Variants in SIX1 observed in about 807,000 individuals in gnomAD.
The protein encoded by SIX1 is homeobox protein SIX1.
Under a neutral mutation model 26.5 loss-of-function variants are expected in SIX1, and 11 were observed. The observed-to-expected ratio is 0.41, with a 90% CI of 0.26 to 0.69. SIX1 has a LOEUF of 0.69. Among genes scored for constraint, SIX1 ranks in the 30% least tolerant of loss-of-function variants. The pLI is 0.28. For synonymous variants in SIX1, 177 were observed against 166.2 expected (o/e 1.06, Z -0.50); for missense variants, 333 against 365.9 (o/e 0.91, Z 0.73).
Position 60,648,694 on chromosome 14 carries a change from T to A in SIX1, c.496A>T (p.Thr166Ser). The A allele has an allele frequency of 2.5e-6, 4 of 1,613,902 alleles. No homozygotes were observed. The highest frequency in any genetic ancestry group is 3.4e-6 in the Non-Finnish European group (4 of 1,179,904). Residue 166 changes from threonine to serine, a missense_variant, in exon 1 of 2, where the codon ACC becomes TCC. Transcript: ENST00000645694. This position sits in a 1 kb window ranked among gnomAD's most constrained non-coding sequence, Gnocchi z 7.9. ...TTCTTAAACCAGTTGCTGACCTGGG[T>A]GGTGGTGAGGCCGGTGGCCTCGGCC... Reference protein sequence around the residue: ...ELAEATGLTTTQVSNWFKNRR... With the variant: ...ELAEATGLTTSQVSNWFKNRR...
Position 60,646,203 on chromosome 14 carries a change from G to C in SIX1, c.*80C>G. 1 of 1,373,314 alleles carries C rather than the reference G, an allele frequency of 7.3e-7. No individual in the cohort carries two copies. The highest frequency in any genetic ancestry group is 1.0e-6 in the Non-Finnish European group (1 of 999,076). The allele number at this position is 1,373,314 out of a possible 1,614,324, so 85.1% of individuals were successfully genotyped here. On this transcript the variant is annotated 3_prime_UTR_variant, in exon 2 of 2. Coordinates refer to ENST00000645694, the MANE Select transcript of SIX1 (RefSeq NM_005982.4). ...AGAAACAAGCTGCAAAAATGTTCCT[G>C]ATTTCTATTTACAAGTGTCCCTAGT...
rs1028056922 is a variant in SIX1, at chr14:60,644,977, T to A, written c.*1306A>T. ...AATTATTTTTACTTTCACAGTCTTG[T>A]CATAAACTTGTTAACACAAAAGAGC... is the stretch of plus-strand genomic sequence containing the variant. On this transcript the variant is annotated 3_prime_UTR_variant, in exon 2 of 2. Transcript: ENST00000645694. The A allele has an allele frequency of 6.6e-6, 1 of 152,246 alleles. No individual in the cohort carries two copies. Among genetic ancestry groups the A allele is most frequent in the Non-Finnish European group, 1.5e-5 (1 of 68,044 alleles). The allele number at this position is 152,246 out of a possible 1,614,324, so 9.4% of individuals were successfully genotyped here. A position where few individuals can be genotyped will look rare whatever the true frequency, so the allele number is the denominator to read the frequency against.
chr14:60,649,388 A>T lies in SIX1; in HGVS notation c.-199T>A, dbSNP rs1015170875. 1.7e-6 allele frequency: 1 copy of T among 584,686 alleles called. No individual in the cohort carries two copies. The highest frequency in any genetic ancestry group is 3.0e-6 in the Non-Finnish European group (1 of 329,354). The allele number at this position is 584,686 out of a possible 1,614,324, so 36.2% of individuals were successfully genotyped here. On this transcript the variant is annotated 5_prime_UTR_variant, in exon 1 of 2. Transcript: ENST00000645694. This position sits in a 1 kb window ranked among gnomAD's most constrained non-coding sequence, Gnocchi z 5.1. ...GGCGGAGGAGTAGGGGAGGTTCTGG[A>T]CACGGAACGGCCGGCGCACTCAGTA...
At chr14:60,646,754 G>T (rs1417541307) in intron 1 of SIX1, among the ~76,000 whole-genome samples, 177 bp from the exon 2 acceptor site, 1 of 152,094 alleles carries the variant, frequency 6.6e-6, no homozygotes, top group Non-Finnish European at 1.5e-5. Context: ...AAGGGTAATG[G>T]GGGAGGTGAG....
chr14:60,644,309 C>T lies in SIX1; in HGVS notation c.*1974G>A, dbSNP rs1373949449. The stretch of plus-strand genomic sequence containing the variant: ...ACACCCTAGTGACTTAAATAAACAC[C>T]GACTTAATGATCCAAAACACTAACA... On this transcript the variant is annotated 3_prime_UTR_variant, in exon 2 of 2. Transcript: ENST00000645694. 1 of 152,064 alleles carries T rather than the reference C, an allele frequency of 6.6e-6. No individual in the cohort carries two copies. Among genetic ancestry groups the T allele is most frequent in the South Asian group, 2.1e-4 (1 of 4,826 alleles). 9.4% of individuals were successfully genotyped at this position (152,064 alleles called of 1,614,324 possible). A position where few individuals can be genotyped will look rare whatever the true frequency, so the allele number is the denominator to read the frequency against.
chr14:60,646,535 G>A lies in SIX1; in HGVS notation c.603C>T (p.Asn201=), dbSNP rs756406449. 1 of 1,611,764 alleles carries A rather than the reference G, an allele frequency of 6.2e-7. No individual in the cohort carries two copies. Among genetic ancestry groups the A allele is most frequent in the Non-Finnish European group, 8.5e-7 (1 of 1,179,694 alleles). The change falls in exon 2 of 2, where the codon AAC becomes AAT. Residue 201 remains asparagine (N), a synonymous_variant. Transcript: ENST00000645694. ...TGCCCCCTTCCAGAGGAGAGAGTTG[G>A]TTCTGCTTGTTGGAGGAGGAGTTAT... ...ENNNSSSNKQ[N]QLSPLEGGKP...
At position 60,645,109 on chromosome 14, in the gene SIX1, ATAAT is replaced by A. The variant is rs1894916604; in HGVS notation, c.*1170_*1173del. The A allele has an allele frequency of 6.6e-6, 1 of 152,188 alleles. No homozygotes were observed. The highest frequency in any genetic ancestry group is 2.4e-5 in the African/African-American group (1 of 41,450). 9.4% of individuals were successfully genotyped at this position (152,188 alleles called of 1,614,324 possible). ...AGGCTAAATTCACTCTTTCTGTCAT[ATAAT>A]TAATCTAGTTACTACTCTTGGTTCA... On this transcript the variant is annotated 3_prime_UTR_variant, in exon 2 of 2. Transcript: ENST00000645694. This position sits in a 1 kb window ranked among gnomAD's most constrained non-coding sequence, Gnocchi z 4.6.
chr14:60,649,452 G>T lies in SIX1; in HGVS notation c.-263C>A. The T allele has an allele frequency of 2.4e-6, 1 of 423,330 alleles. No individual in the cohort carries two copies. Among genetic ancestry groups the T allele is most frequent in the Non-Finnish European group, 4.2e-6 (1 of 238,356 alleles). 26.2% of individuals were successfully genotyped at this position (423,330 alleles called of 1,614,324 possible). On this transcript the variant is annotated 5_prime_UTR_variant, in exon 1 of 2. Coordinates refer to ENST00000645694, the MANE Select transcript of SIX1 (RefSeq NM_005982.4). This position sits in a 1 kb window ranked among gnomAD's most constrained non-coding sequence, Gnocchi z 5.1. Reference sequence around the variant, plus strand: ...TGCTGCCTCCGACCTCCCGCCCGGTGGATGCTGCTAGTTGCCGGGGAACTT... The same window carrying T: ...TGCTGCCTCCGACCTCCCGCCCGGTTGATGCTGCTAGTTGCCGGGGAACTT...
In SIX1 at chr14:60,649,205, GGGCGCACGGCCCA is replaced by G. The variant is rs779056573; in HGVS notation, c.-29_-17del. 9.5e-5 allele frequency: 152 copies of G among 1,602,560 alleles called. 1 individual carries two copies. The South Asian group carries it at 1.4e-3, about 15-fold the overall frequency. On this transcript the variant is annotated 5_prime_UTR_variant, in exon 1 of 2. Coordinates refer to ENST00000645694, the MANE Select transcript of SIX1 (RefSeq NM_005982.4). The surrounding 1 kb of genome is among the most constrained non-coding windows in gnomAD (Gnocchi z 5.1). ...GCATCGACATGGCTGGGGCCTGCCG[GGGCGCACGGCCCA>G]GGCGCACGCGGCAGGGAGCAGAGCC...
At position 60,646,305 on chromosome 14, in the gene SIX1, C is replaced by A; in HGVS notation, c.833G>T (p.Ser278Ile). 1 of 1,613,292 alleles carries A rather than the reference C, an allele frequency of 6.2e-7. No individual in the cohort carries two copies. The highest frequency in any genetic ancestry group is 1.1e-5 in the South Asian group (1 of 91,042). The change falls in exon 2 of 2, where the codon AGT becomes ATT. Residue 278 changes from serine (S) to isoleucine (I), a missense_variant. Physicochemically the swap from Ser to Ile is moderately radical, Grantham distance 142. Transcript: ENST00000645694. ...QDSLLGPLTS[S>I]LVDLGS ...CACTTAGGACCCCAAGTCCACCAGACTGGAGGTGAGGGGGCCGAGCAGAGA... is the reference window on the plus strand; with the variant it reads ...CACTTAGGACCCCAAGTCCACCAGAATGGAGGTGAGGGGGCCGAGCAGAGA...
Position 60,648,701 on chromosome 14 carries a change from G to C in SIX1, c.489C>G (p.Leu163=), listed in dbSNP as rs1178303617. 2 of 1,614,028 alleles carry C rather than the reference G, an allele frequency of 1.2e-6. No homozygotes were observed. Among genetic ancestry groups the C allele is most frequent in the South Asian group, 2.2e-5 (2 of 91,076 alleles). Reference sequence around the variant, plus strand: ...ACCAGTTGCTGACCTGGGTGGTGGTGAGGCCGGTGGCCTCGGCCAGCTCCC... The same window carrying C: ...ACCAGTTGCTGACCTGGGTGGTGGTCAGGCCGGTGGCCTCGGCCAGCTCCC... ...EKRELAEATG[L]TTTQVSNWFK... The change falls in exon 1 of 2, where the codon CTC becomes CTG. Residue 163 remains leucine, a synonymous_variant. Coordinates refer to ENST00000645694, the MANE Select transcript of SIX1 (RefSeq NM_005982.4). This position sits in a 1 kb window ranked among gnomAD's most constrained non-coding sequence, Gnocchi z 7.9.
At position 60,647,448 on chromosome 14, in the gene SIX1, C is replaced by T. The variant is rs1301987631; in HGVS notation, c.561-871G>A. Among the ~76,000 whole-genome samples, 1 of 152,218 alleles carries T rather than the reference C, an allele frequency of 6.6e-6. No individual in the cohort carries two copies. The highest frequency in any genetic ancestry group is 1.5e-5 in the Non-Finnish European group (1 of 68,026). ...GGGGCGTCAGTCCGGGCACTCGGTA[C>T]CGGTTAACTTCAGGATTTCGCTTCC... On this transcript the variant is annotated intron_variant, in intron 1 of 1. Coordinates refer to ENST00000645694, the MANE Select transcript of SIX1 (RefSeq NM_005982.4). This position sits in a 1 kb window ranked among gnomAD's most constrained non-coding sequence, Gnocchi z 5.1.
Position 60,646,396 on chromosome 14 carries a change from G to A in SIX1, c.742C>T (p.Leu248Phe). The A allele has an allele frequency of 1.2e-6, 2 of 1,614,048 alleles. No individual in the cohort carries two copies. The highest frequency in any genetic ancestry group is 1.7e-6 in the Non-Finnish European group (2 of 1,180,018). Reference protein sequence around the residue: ...MGHARSSNYSLPGLTASQPSH... With the variant: ...MGHARSSNYSFPGLTASQPSH... ...GGCTGCGAGGCTGTTAAGCCCGGGA[G>A]AGAATAGTTTGAGCTCCTGGCGTGG... The change falls in exon 2 of 2, where the codon CTC becomes TTC. Residue 248 changes from leucine (L) to phenylalanine (F), a missense_variant. Leu to Phe is a conservative substitution (Grantham distance 22). Around this residue, in one of 3 missense-constraint regions of SIX1, gnomAD observed 199 missense variants for 215.2 expected, o/e 0.92. Transcript: ENST00000645694.
chr14:60,649,081 G>C lies in SIX1; in HGVS notation c.109C>G (p.Leu37Val), dbSNP rs1001409064. Residue 37 changes from leucine to valine, a missense_variant, in exon 1 of 2, where the codon CTG becomes GTG. Coordinates refer to ENST00000645694, the MANE Select transcript of SIX1 (RefSeq NM_005982.4). This position sits in a 1 kb window ranked among gnomAD's most constrained non-coding sequence, Gnocchi z 5.1. Reference protein sequence around the residue: ...LERLGRFLWSLPACDHLHKNE... With the variant: ...LERLGRFLWSVPACDHLHKNE... Reference sequence around the variant, plus strand: ...TTGTGCAGGTGGTCGCAGGCGGGCAGTGACCACAGGAACCTGCCCAGGCGC... The same window carrying C: ...TTGTGCAGGTGGTCGCAGGCGGGCACTGACCACAGGAACCTGCCCAGGCGC... 1 of 1,613,734 alleles carries C rather than the reference G, an allele frequency of 6.2e-7. No individual in the cohort carries two copies. Among genetic ancestry groups the C allele is most frequent in the Non-Finnish European group, 8.5e-7 (1 of 1,179,878 alleles).
chr14:60,648,552 C>A lies in SIX1; in HGVS notation c.560+78G>T. 7.0e-7 allele frequency: 1 copy of A among 1,427,532 alleles called. No homozygotes were observed. Among genetic ancestry groups the A allele is most frequent in the Admixed American group, 2.0e-5 (1 of 50,472 alleles). 88.4% of individuals were successfully genotyped at this position (1,427,532 alleles called of 1,614,324 possible). A position where few individuals can be genotyped will look rare whatever the true frequency, so the allele number is the denominator to read the frequency against. On this transcript the variant is annotated intron_variant, in intron 1 of 1. Transcript: ENST00000645694. This position sits in a 1 kb window ranked among gnomAD's most constrained non-coding sequence, Gnocchi z 7.9. ...GGCGGGGAGGACTTGGTGGCTGGTG[C>A]CTGCGGGGGCGGGAGGGGGCGGAGG... is the stretch of plus-strand genomic sequence containing the variant.
rs1275268955 is a variant in SIX1 at position 60,645,982 on chromosome 14, T to G, written c.*301A>C. On this transcript the variant is annotated 3_prime_UTR_variant, in exon 2 of 2. Coordinates refer to ENST00000645694, the MANE Select transcript of SIX1 (RefSeq NM_005982.4). This position sits in a 1 kb window ranked among gnomAD's most constrained non-coding sequence, Gnocchi z 4.6. ...AACAGGCGTATCAGTTGCCCAGAACTCAGACTGGGTGCCTGGGTGCTTTTG... is the reference window on the plus strand; with the variant it reads ...AACAGGCGTATCAGTTGCCCAGAACGCAGACTGGGTGCCTGGGTGCTTTTG... The G allele has an allele frequency of 1.5e-5, 3 of 198,100 alleles. No individual in the cohort carries two copies. In the East Asian group the frequency reaches 3.5e-4, roughly 23 times the overall value. The allele number at this position is 198,100 out of a possible 1,614,324, so 12.3% of individuals were successfully genotyped here.
At position 60,646,392 on chromosome 14, in the gene SIX1, G is replaced by A. The variant is rs368974927; in HGVS notation, c.746C>T (p.Pro249Leu). 174 of 1,613,900 alleles carry A rather than the reference G, an allele frequency of 1.1e-4. No individual in the cohort carries two copies. Among genetic ancestry groups the A allele is most frequent in the Non-Finnish European group, 4.3e-5 (51 of 1,180,018 alleles). Reference protein sequence around the residue: ...GHARSSNYSLPGLTASQPSHG... With the variant: ...GHARSSNYSLLGLTASQPSHG... Reference sequence around the variant, plus strand: ...ACTGGGCTGCGAGGCTGTTAAGCCCGGGAGAGAATAGTTTGAGCTCCTGGC... The same window carrying A: ...ACTGGGCTGCGAGGCTGTTAAGCCCAGGAGAGAATAGTTTGAGCTCCTGGC... The change falls in exon 2 of 2, where the codon CCG becomes CTG. Residue 249 changes from proline (P) to leucine (L), a missense_variant. Around this residue, in one of 3 missense-constraint regions of SIX1, gnomAD observed 199 missense variants for 215.2 expected, o/e 0.92. Transcript: ENST00000645694.
rs1445078561 is a variant in SIX1 at position 60,646,407 on chromosome 14, G to A, written c.731C>T (p.Ser244Leu). ...LQGNMGHARS[S>L]NYSLPGLTAS... ...TGTTAAGCCCGGGAGAGAATAGTTTGAGCTCCTGGCGTGGCCCATATTGCC... is the reference window on the plus strand; with the variant it reads ...TGTTAAGCCCGGGAGAGAATAGTTTAAGCTCCTGGCGTGGCCCATATTGCC... The change falls in exon 2 of 2, where the codon TCA becomes TTA. Residue 244 changes from serine (S) to leucine (L), a missense_variant. By Grantham distance (145) the Ser-to-Leu change is moderately radical (BLOSUM62 -2). Around this residue, in one of 3 missense-constraint regions of SIX1, gnomAD observed 199 missense variants for 215.2 expected, o/e 0.92. Coordinates refer to ENST00000645694, the MANE Select transcript of SIX1 (RefSeq NM_005982.4). 1 of 1,614,030 alleles carries A rather than the reference G, an allele frequency of 6.2e-7. No homozygotes were observed.
rs1894928602 is a variant in SIX1 at position 60,645,828 on chromosome 14, T to G, written c.*455A>C. 1 of 152,910 alleles carries G rather than the reference T, an allele frequency of 6.5e-6. No individual in the cohort carries two copies. The highest frequency in any genetic ancestry group is 2.4e-5 in the African/African-American group (1 of 41,480). The allele number at this position is 152,910 out of a possible 1,614,324, so 9.5% of individuals were successfully genotyped here. A position where few individuals can be genotyped will look rare whatever the true frequency, so the allele number is the denominator to read the frequency against. ...GAGGCTCTTATTTTCACTATTTTTA[T>G]CTCCCTTTCTCTTTCTCTTTCCATT... On this transcript the variant is annotated 3_prime_UTR_variant, in exon 2 of 2. Transcript: ENST00000645694. The surrounding 1 kb of genome is among the most constrained non-coding windows in gnomAD (Gnocchi z 4.6).
Sources: gnomAD v4.1 joint callset for allele counts (sites outside exome capture counted in the v4.1 genomes callset) on GRCh38, gnomAD v4.1.1 for gene constraint, gnomAD v4.1.1 regional missense constraint, Gnocchi (gnomAD v3.1) non-coding constraint, MANE v1.5 for transcripts, NCBI Gene and HGNC (gene_info 2026-07-23, HGNC 2026-07-21) for gene names.